The following STYXL1 variants were observed in gnomAD, a reference collection of about 807,000 sequenced individuals.
The protein encoded by STYXL1 is serine/threonine/tyrosine-interacting-like protein 1.
Under a neutral mutation model 36.4 loss-of-function variants are expected in STYXL1, and 32 were observed. That is an observed-to-expected ratio of 0.88 (90% CI 0.66 to 1.18). The LOEUF is 1.18. STYXL1 is among the 50% of genes most tolerant of loss of function. The pLI is 0.00. For synonymous variants in STYXL1, 133 were observed against 144.1 expected (o/e 0.92, Z 0.55); for missense variants, 354 against 394.1 (o/e 0.90, Z 0.86).
intron 1 of STYXL1, among the ~76,000 whole-genome samples, chr7:76,032,437 G>T (rs543467538): frequency 6.6e-6 from 1 of 151,252 alleles, no homozygotes; most frequent in East Asian, 1.9e-4. Flanking sequence ...TCAGCTGGGC[G>T]TGGTGGCTCA....
At chr7:76,015,118 C>T (rs1216229258) in intron 4 of STYXL1, among the ~76,000 whole-genome samples, 1 of 152,086 alleles carries the variant, frequency 6.6e-6, no homozygotes, top group Non-Finnish European at 1.5e-5. Flanking sequence ...AGTGTGGTGG[C>T]GGGCACCTGC....
At chr7:76,027,195 A>G (rs1262002593) in intron 3 of STYXL1, among the ~76,000 whole-genome samples, 4 of 152,250 alleles carry the variant, frequency 2.6e-5, no homozygotes, top group Non-Finnish European at 5.9e-5. Flanking sequence ...AGGCTTCACA[A>G]TCATGAGGGA....
intron 4 of STYXL1, 99 bp downstream of exon 4, chr7:76,021,752 C>A (rs2116063577): frequency 1.2e-6 from 1 of 860,562 alleles, no homozygotes; most frequent in Non-Finnish European, 1.9e-6. Context: ...GTGTCATTGG[C>A]CTGTTCCCGT....
At chr7:76,017,368 T>C (rs1355766321) in intron 4 of STYXL1, among the ~76,000 whole-genome samples, 3 of 151,996 alleles carry the variant, frequency 2.0e-5, no homozygotes, top group African/African-American at 7.2e-5. Flanking sequence ...CACAGAATAC[T>C]ACACAGCTAT....
chr7:76,027,619 T>G (rs547805798), intron 3 of STYXL1, among the ~76,000 whole-genome samples: 6 of 150,624 alleles, frequency 4.0e-5, no homozygotes, highest in African/African-American at 1.5e-4. Flanking sequence ...TCCCTAAAAA[T>G]TTACAACATA....
intron 1 of STYXL1, among the ~76,000 whole-genome samples, chr7:76,046,679 C>A (rs1446266759): frequency 2.2e-5 from 3 of 136,344 alleles, no homozygotes; most frequent in South Asian, 2.4e-4. Flanking sequence ...CAGAGTCTTT[C>A]TCCGTCGCCC....
intron 3 of STYXL1, among the ~76,000 whole-genome samples, chr7:76,027,627 A>G (rs1051512976): frequency 2.0e-5 from 3 of 152,122 alleles, no homozygotes; most frequent in African/African-American, 4.8e-5. Context: ...AATTTACAAC[A>G]TAAAGCTCCA....
At chr7:76,046,316 GTGTGTGTGTGTGTGTGTGTGTGT>G (rs1797015673) in intron 1 of STYXL1, among the ~76,000 whole-genome samples, 2 of 66,836 alleles carry the variant, frequency 3.0e-5, no homozygotes, top group South Asian at 1.2e-3. Context: ...GTGTGTGTGT[GTGTGTGTGTGTGTGTGTGTGTGT>G]GCGCGCGCGC....
At chr7:76,015,795 A>T (rs1793225460) in intron 4 of STYXL1, among the ~76,000 whole-genome samples, 1 of 152,178 alleles carries the variant, frequency 6.6e-6, no homozygotes, top group Non-Finnish European at 1.5e-5. Context: ...GAGTCAGTGG[A>T]CTGGGAGAGG....
chr7:76,047,425 G>A (rs1285933814), intron 1 of STYXL1, among the ~76,000 whole-genome samples: 1 of 152,206 alleles, frequency 6.6e-6, no homozygotes, highest in Admixed American at 6.5e-5. Flanking sequence ...GGGCAGGCGA[G>A]AGAAGACAGG....
At chr7:76,022,046 G>GT in intron 3 of STYXL1, 54 bp from the exon 4 acceptor site, 1 of 1,580,436 alleles carries the variant, frequency 6.3e-7, no homozygotes, top group Non-Finnish European at 8.5e-7. Flanking sequence ...GGCAGGTTCG[G>GT]TTGAGCAGAG....
intron 5 of STYXL1, among the ~76,000 whole-genome samples, chr7:76,011,267 G>C (rs1792522430): frequency 6.6e-6 from 1 of 152,088 alleles, no homozygotes; most frequent in Non-Finnish European, 1.5e-5. Context: ...GGCCAATTTT[G>C]TTTCCTCTAT....
In STYXL1 at chr7:76,000,898, TCTGCTCGTTA is replaced by T. The variant is rs782130562; in HGVS notation, c.792_801del (p.Ser264ArgfsTer24). 1.2e-6 allele frequency: 2 copies of T among 1,614,016 alleles called. No homozygotes were observed. The highest frequency in any genetic ancestry group is 2.2e-5 in the South Asian group (2 of 91,078). ...GCCCGGGGAACGCATACCTGCAAGGTCTGCTCGTTACTATGCATGAGGTAGGCTATGATGG... is the reference window on the plus strand; with the variant it reads ...GCCCGGGGAACGCATACCTGCAAGGTCTATGCATGAGGTAGGCTATGATGG... On this transcript the variant is annotated frameshift_variant, in exon 8 of 9. Coordinates refer to ENST00000359697, the MANE Select transcript of STYXL1 (RefSeq NM_001317785.2). LOFTEE classifies it high-confidence loss of function.
intron 1 of STYXL1, among the ~76,000 whole-genome samples, chr7:76,031,003 A>G (rs573722443): frequency 3.2e-4 from 49 of 152,008 alleles, no homozygotes; most frequent in African/African-American, 1.2e-3. Flanking sequence ...TCTGCTAAAA[A>G]TACAAAAATT....
chr7:76,029,636 T>C (rs1421862605), intron 2 of STYXL1, among the ~76,000 whole-genome samples: 1 of 152,226 alleles, frequency 6.6e-6, no homozygotes, highest in Admixed American at 6.5e-5. Flanking sequence ...GAAATAATTC[T>C]ACCATCATGT....
chr7:76,019,397 A>C (rs1414802155), intron 4 of STYXL1, among the ~76,000 whole-genome samples: 1 of 151,838 alleles, frequency 6.6e-6, no homozygotes, highest in African/African-American at 2.4e-5. Flanking sequence ...CCTGGGCTCA[A>C]GTGATCCTCC....
At position 76,046,323 on chromosome 7, in the gene STYXL1, TGTGTGTGTGTGTGTGTGCGC is replaced by T. The variant is rs1335313933; in HGVS notation, c.-5+1319_-5+1338del. Among the ~76,000 whole-genome samples the T allele has an allele frequency of 4.8e-3, 129 of 26,690 alleles. 3 individuals are homozygous for T. The highest frequency in any genetic ancestry group is 0.011 in the African/African-American group (99 of 8,882). 17.5% of individuals were successfully genotyped at this position (26,690 alleles called of 152,430 possible). A position where few individuals can be genotyped will look rare whatever the true frequency, so the allele number is the denominator to read the frequency against. On this transcript the variant is annotated intron_variant, in intron 1 of 8. Transcript: ENST00000359697. ...GTGTGTGTGTGTGTGTGTGTGTGTG[TGTGTGTGTGTGTGTGTGCGC>T]GCGCGCGCGCGCGCGCTTTTGAGCC...
At chr7:76,028,181 A>G (rs1395669597) in intron 3 of STYXL1, among the ~76,000 whole-genome samples, 3 of 152,052 alleles carry the variant, frequency 2.0e-5, no homozygotes, top group African/African-American at 7.2e-5. Context: ...ACTCAGGCGT[A>G]AGCCACCACA....
At position 76,000,938 on chromosome 7, in the gene STYXL1, A is replaced by G. The variant is rs781862410; in HGVS notation, c.762T>C (p.Cys254=). The part of the protein sequence containing the change: ...IFSTQGISRS[C]AAIIAYLMHS... ...GCATGAGGTAGGCTATGATGGCGGC[A>G]CAACTGCGGCTGATACCTTGGGTGG... The change falls in exon 8 of 9, where the codon TGT becomes TGC. Residue 254 remains cysteine (C), a synonymous_variant. Coordinates refer to ENST00000359697, the MANE Select transcript of STYXL1 (RefSeq NM_001317785.2). 17 of 1,614,094 alleles carry G rather than the reference A, an allele frequency of 1.1e-5. No homozygotes were observed. Among genetic ancestry groups the G allele is most frequent in the Non-Finnish European group, 1.4e-5 (16 of 1,180,030 alleles).
Sources: gnomAD v4.1 joint callset for allele counts (sites outside exome capture counted in the v4.1 genomes callset) on GRCh38, gnomAD v4.1.1 for gene constraint, MANE v1.5 for transcripts, NCBI Gene and HGNC (gene_info 2026-07-23, HGNC 2026-07-21) for gene names.